The following TTC7A variants were observed in gnomAD, a reference collection of about 807,000 sequenced individuals.
The protein encoded by TTC7A is tetratricopeptide repeat protein 7A.
Under a neutral mutation model 103.7 loss-of-function variants are expected in TTC7A, and 110 were observed. That is an observed-to-expected ratio of 1.06 (90% confidence interval 0.91 to 1.24). The LOEUF is 1.24. TTC7A is among the 50% of genes most tolerant of loss of function. TTC7A has a pLI of 0.00. For missense variants in TTC7A, 1,340 were observed against 1,116.3 expected (o/e 1.20, Z -2.86); for synonymous variants, 521 against 467.9 (o/e 1.11, Z -1.47).
At chr2:47,057,941 A>G (rs1221136567) in intron 18 of TTC7A, among the ~76,000 whole-genome samples, 1 of 151,346 alleles carries the variant, frequency 6.6e-6, no homozygotes, top group Non-Finnish European at 1.5e-5. Flanking sequence ...AGCTGCTCCC[A>G]CTCCTGTCCC....
intron 19 of TTC7A, 76 bp downstream of exon 19, chr2:47,061,047 GT>G: frequency 7.0e-7 from 1 of 1,423,086 alleles, no homozygotes; most frequent in African/African-American, 1.4e-5. Context: ...GTCCCTCCTT[GT>G]CCCCATACTC....
chr2:47,010,816 C>T (rs1677965825), intron 10 of TTC7A, among the ~76,000 whole-genome samples: 1 of 152,196 alleles, frequency 6.6e-6, no homozygotes, highest in Middle Eastern at 3.2e-3. Flanking sequence ...TCTCGTGTCT[C>T]AGCCTCCTGA....
intron 14 of TTC7A, among the ~76,000 whole-genome samples, chr2:47,028,126 G>A (rs991165889): frequency 2.0e-5 from 3 of 151,966 alleles, no homozygotes; most frequent in African/African-American, 7.2e-5. Flanking sequence ...TGGGGGTGTT[G>A]TGTTGTGCTG....
At chr2:47,006,145 A>C in intron 9 of TTC7A, 86 bp downstream of exon 9, 1 of 1,533,680 alleles carries the variant, frequency 6.5e-7, no homozygotes. Flanking sequence ...TCCCTTCTCC[A>C]CCTGTCATTC....
chr2:46,917,635 G>GTC (rs1212680777), intron 2 of TTC7A, among the ~76,000 whole-genome samples: 2 of 152,110 alleles, frequency 1.3e-5, no homozygotes, highest in African/African-American at 4.8e-5. Context: ...CCTGTGTTAT[G>GTC]TCTCTCTTGA....
chr2:47,007,620 T>C lies in TTC7A; in HGVS notation c.1287+896T>C, dbSNP rs1677558268. 6.6e-6 allele frequency among the ~76,000 whole-genome samples: 1 copy of C among 152,066 alleles called. No individual in the cohort carries two copies. Among genetic ancestry groups the C allele is most frequent in the African/African-American group, 2.4e-5 (1 of 41,406 alleles). On this transcript the variant is annotated intron_variant, in intron 10 of 19. Coordinates refer to ENST00000319190, the MANE Select transcript of TTC7A (RefSeq NM_020458.4). The surrounding 1 kb of genome is among the most constrained non-coding windows in gnomAD (Gnocchi z 4.9). ...GCCCTCCTGGCTTGCCAGTGCCTCC[T>C]CCACGCATCAAGGGCGTGCCAGCCA...
chr2:47,011,772 T>C (rs1678081477), intron 11 of TTC7A, among the ~76,000 whole-genome samples: 1 of 152,264 alleles, frequency 6.6e-6, no homozygotes, highest in African/African-American at 2.4e-5. Context: ...TCATCATTTC[T>C]GAGGCTTCAG....
intron 11 of TTC7A, among the ~76,000 whole-genome samples, chr2:47,020,191 C>T (rs112818033): frequency 4.6e-5 from 7 of 152,188 alleles, no homozygotes; most frequent in African/African-American, 1.4e-4. Flanking sequence ...TGCCATTTTG[C>T]AGATGAGGAC....
chr2:47,004,640 G>A (rs1677181994), intron 8 of TTC7A, among the ~76,000 whole-genome samples: 1 of 152,126 alleles, frequency 6.6e-6, no homozygotes, highest in Non-Finnish European at 1.5e-5. Flanking sequence ...GGAGATGCAG[G>A]AGAGAGCCCC....
At position 46,941,584 on chromosome 2, in the gene TTC7A, A is replaced by G. The variant is rs1431364676; in HGVS notation, c.43A>G (p.Ser15Gly). Residue 15 changes from serine to glycine, a missense_variant, in exon 1 of 20, where the codon AGC becomes GGC. Transcript: ENST00000319190. The surrounding 1 kb of genome is among the most constrained non-coding windows in gnomAD (Gnocchi z 4.2). ...GCACGGCTCCTACCTGAAGGTGGAG[A>G]GCGAGCTGGAGCGCTGCCGCGCCGA... Reference protein sequence around the residue: ...GAHGSYLKVESELERCRAEGH... With the variant: ...GAHGSYLKVEGELERCRAEGH... The G allele has an allele frequency of 6.4e-7, 1 of 1,556,866 alleles. No homozygotes were observed. The highest frequency in any genetic ancestry group is 8.7e-7 in the Non-Finnish European group (1 of 1,150,946).
chr2:47,041,318 G>C (rs959268448), intron 15 of TTC7A, among the ~76,000 whole-genome samples: 1 of 152,244 alleles, frequency 6.6e-6, no homozygotes, highest in Non-Finnish European at 1.5e-5. Context: ...CCAGACGCTG[G>C]GGGAGGGCAG....
chr2:46,964,561 A>G (rs555923853), intron 3 of TTC7A, among the ~76,000 whole-genome samples: 6 of 152,220 alleles, frequency 3.9e-5, no homozygotes, highest in African/African-American at 9.6e-5. Flanking sequence ...GTCTGGGGCA[A>G]TCTTCTCTAG....
intron 11 of TTC7A, among the ~76,000 whole-genome samples, chr2:47,012,290 A>T (rs1376493953): frequency 6.6e-6 from 1 of 152,202 alleles, no homozygotes; most frequent in African/African-American, 2.4e-5. Context: ...TGCTGATGTC[A>T]GCCTCCTATT....
intron 1 of TTC7A, among the ~76,000 whole-genome samples, 187 bp from the exon 2 acceptor site, chr2:46,950,176 A>G (rs990491468): frequency 5.9e-5 from 9 of 152,240 alleles, no homozygotes; most frequent in Admixed American, 1.3e-4. Context: ...TATTGTGACC[A>G]TAGTAGAATG....
At chr2:46,989,167 C>A (rs1675347085) in intron 5 of TTC7A, among the ~76,000 whole-genome samples, 1 of 152,190 alleles carries the variant, frequency 6.6e-6, no homozygotes, top group African/African-American at 2.4e-5. Context: ...TGAACCGTGT[C>A]CTTGACCCAT....
intron 18 of TTC7A, among the ~76,000 whole-genome samples, chr2:47,057,807 T>TC (rs1478824842): frequency 3.3e-5 from 5 of 152,170 alleles, no homozygotes; most frequent in Non-Finnish European, 7.4e-5. Context: ...CAATGCCTCC[T>TC]CCCTCAGGAA....
intron 5 of TTC7A, among the ~76,000 whole-genome samples, chr2:46,982,099 G>A (rs2104296990): frequency 6.6e-6 from 1 of 152,350 alleles, no homozygotes; most frequent in Non-Finnish European, 1.5e-5. Context: ...GGAGCTGGGA[G>A]CAGTGGCTCA....
intron 5 of TTC7A, among the ~76,000 whole-genome samples, chr2:46,983,159 C>T (rs1265383153): frequency 6.6e-6 from 1 of 152,008 alleles, no homozygotes; most frequent in African/African-American, 2.4e-5. Flanking sequence ...GTGGTGGTGT[C>T]TCTGTTTGGA....
chr2:46,975,234 C>G, intron 4 of TTC7A, 131 bp downstream of exon 4: 1 of 1,216,310 alleles, frequency 8.2e-7, no homozygotes, highest in East Asian at 2.5e-5. Context: ...CAAAGACACT[C>G]TACTTCATAG....
Sources: allele counts gnomAD v4.1 joint callset (sites outside exome capture counted in the v4.1 genomes callset), GRCh38; gene constraint gnomAD v4.1.1; non-coding constraint Gnocchi (gnomAD v3.1); transcripts MANE v1.5; gene names NCBI Gene and HGNC (gene_info 2026-07-23, HGNC 2026-07-21).